DENND2C: variants seen among roughly 807,000 people sequenced by gnomAD.
The protein encoded by DENND2C is DENN domain containing 2C.
In DENND2C, 72 loss-of-function variants were observed where a neutral mutation model predicts 112.4. The ratio of observed to expected loss-of-function variants is 0.64; its 90% CI spans 0.53 to 0.78. The LOEUF (loss-of-function observed/expected upper bound fraction) is 0.78. DENND2C is among the 30% of genes least tolerant of loss of function. DENND2C has a pLI of 0.00. For missense variants in DENND2C, 992 were observed against 1,113.8 expected (o/e 0.89, Z 1.56); for synonymous variants, 329 against 381.6 (o/e 0.86, Z 1.61).
intron 13 of DENND2C, 32 bp downstream of exon 13, chr1:114,601,476 A>G (rs754475372): frequency 8.2e-6 from 13 of 1,590,294 alleles, no homozygotes; most frequent in Non-Finnish European, 1.0e-5. Flanking sequence ...CAAAAAGGAC[A>G]CCATTTTTCA....
At chr1:114,653,319 G>A (rs1657220052) in intron 2 of DENND2C, among the ~76,000 whole-genome samples, 1 of 151,920 alleles carries the variant, frequency 6.6e-6, no homozygotes, top group South Asian at 2.1e-4. Flanking sequence ...ATGTTACCCA[G>A]GCTGGTCTTG....
At chr1:114,593,801 A>C (rs1260589302) in intron 18 of DENND2C, among the ~76,000 whole-genome samples, 3 of 152,062 alleles carry the variant, frequency 2.0e-5, no homozygotes, top group African/African-American at 4.8e-5. Flanking sequence ...AAAACAAACA[A>C]ACAAAAAACG....
chr1:114,626,612 A>G (rs1435188603), intron 3 of DENND2C, among the ~76,000 whole-genome samples: 1 of 150,720 alleles, frequency 6.6e-6, no homozygotes, highest in African/African-American at 2.5e-5. Context: ...CCTGGGTTCA[A>G]GTGATCTTCC....
intron 2 of DENND2C, among the ~76,000 whole-genome samples, chr1:114,648,778 C>G (rs1657068236): frequency 6.6e-6 from 1 of 152,108 alleles, no homozygotes; most frequent in Admixed American, 6.5e-5. Flanking sequence ...ATTTTAAAGA[C>G]CACTCAGGCA....
chr1:114,643,679 A>C (rs953392662), intron 3 of DENND2C, among the ~76,000 whole-genome samples: 1 of 152,214 alleles, frequency 6.6e-6, no homozygotes, highest in Non-Finnish European at 1.5e-5. Context: ...TATAACACAT[A>C]ATATAAATTT....
chr1:114,600,910 G>A lies in DENND2C; in HGVS notation c.1866C>T (p.Tyr622=), dbSNP rs769170391. Residue 622 remains tyrosine, a synonymous_variant, in exon 14 of 21, where the codon TAC becomes TAT. Coordinates refer to ENST00000393274, the MANE Select transcript of DENND2C (RefSeq NM_001256404.2). ...KRREMSPALV[Y]PFMRSVMEAP... Reference sequence around the variant, plus strand: ...CTTCCATGACACTTCGCATGAATGGGTAAACAAGGGCTGGAGACATTTCTC... The same window carrying A: ...CTTCCATGACACTTCGCATGAATGGATAAACAAGGGCTGGAGACATTTCTC... 1.2e-6 allele frequency: 2 copies of A among 1,613,976 alleles called. No individual in the cohort carries two copies. Among genetic ancestry groups the A allele is most frequent in the Admixed American group, 3.3e-5 (2 of 60,004 alleles).
chr1:114,599,498 G>A lies in DENND2C; in HGVS notation c.2106-47C>T, dbSNP rs774350711. ...TGGTGTCATATATAGAGTAACATAA[G>A]GAGGACATTTCAGTTATTATGTTAA... is the stretch of plus-strand genomic sequence containing the variant. On this transcript the variant is annotated intron_variant, in intron 15 of 20. Transcript: ENST00000393274. 1.0e-5 allele frequency: 15 copies of A among 1,442,636 alleles called. No individual in the cohort carries two copies. The East Asian group carries it at 2.9e-4, about 28-fold the overall frequency. 89.4% of individuals were successfully genotyped at this position (1,442,636 alleles called of 1,614,324 possible).
chr1:114,639,675 T>C (rs747013178), intron 3 of DENND2C, among the ~76,000 whole-genome samples: 1 of 152,058 alleles, frequency 6.6e-6, no homozygotes, highest in Non-Finnish European at 1.5e-5. Flanking sequence ...ATTCCAACTG[T>C]ATTTTGAAAT....
intron 16 of DENND2C, among the ~76,000 whole-genome samples, chr1:114,597,669 GC>G (rs1198142285): frequency 1.3e-5 from 2 of 152,020 alleles, no homozygotes; most frequent in South Asian, 2.1e-4. Flanking sequence ...TGTAGTCCCA[GC>G]TACTTGGGAG....
At position 114,619,786 on chromosome 1, in the gene DENND2C, T is replaced by C. The variant is rs536279401; in HGVS notation, c.1228-1304A>G. Among the ~76,000 whole-genome samples the C allele has an allele frequency of 8.5e-5, 13 of 152,336 alleles. No individual in the cohort carries two copies. The South Asian group carries it at 2.7e-3, about 32-fold the overall frequency. ...AATAGCATAATTATTAATTTGCATT[T>C]GAAAAGTAGAATCAAAAGTATATTC... On this transcript the variant is annotated intron_variant, in intron 7 of 20. Transcript: ENST00000393274.
chr1:114,593,827 T>A (rs2101642687), intron 18 of DENND2C, among the ~76,000 whole-genome samples: 1 of 152,272 alleles, frequency 6.6e-6, no homozygotes, highest in South Asian at 2.1e-4. Flanking sequence ...CCTTCCCTAA[T>A]GTTCCCTGTC....
chr1:114,604,318 G>A (rs1306967793), intron 11 of DENND2C, among the ~76,000 whole-genome samples: 1 of 152,192 alleles, frequency 6.6e-6, no homozygotes, highest in Non-Finnish European at 1.5e-5. Context: ...TTATAGTTTT[G>A]AACAAAGCAG....
chr1:114,668,555 C>CACACACA (rs1222994549), intron 1 of DENND2C, among the ~76,000 whole-genome samples: 7 of 102,610 alleles, frequency 6.8e-5, no homozygotes, highest in African/African-American at 2.4e-4. Flanking sequence ...ACACACACAC[C>CACACACA]CCAACTAATG....
chr1:114,622,937 T>C (rs893652967), intron 6 of DENND2C, 50 bp downstream of exon 6: 3 of 1,412,188 alleles, frequency 2.1e-6, no homozygotes, highest in African/African-American at 2.9e-5. Flanking sequence ...TTTTTGTAGA[T>C]ACCATGAATA....
chr1:114,598,792 C>T (rs1051450423), intron 16 of DENND2C, among the ~76,000 whole-genome samples: 4 of 152,204 alleles, frequency 2.6e-5, no homozygotes, highest in Admixed American at 1.3e-4. Context: ...AGCAATTCTC[C>T]TGCCTCAGCC....
chr1:114,603,671 C>T lies in DENND2C; in HGVS notation c.1667+1251G>A, dbSNP rs118098704. Among the ~76,000 whole-genome samples, 913 of 151,894 alleles carry T rather than the reference C, an allele frequency of 6.0e-3. 18 individuals are homozygous for T. The East Asian group carries it at 0.067, about 11-fold the overall frequency. On this transcript the variant is annotated intron_variant, in intron 11 of 20. Coordinates refer to ENST00000393274, the MANE Select transcript of DENND2C (RefSeq NM_001256404.2). ...AAGTGATCCTCCTGCCTCAGCCTCC[C>T]GAGTAGCTACTGCACACCACCGTGT...
intron 16 of DENND2C, among the ~76,000 whole-genome samples, chr1:114,596,771 T>G (rs1655354217): frequency 6.6e-6 from 1 of 152,190 alleles, no homozygotes; most frequent in Admixed American, 6.5e-5. Flanking sequence ...AATTTTTTAT[T>G]TTTTAAAAGA....
chr1:114,604,875 T>C (rs750931987), intron 11 of DENND2C, 47 bp downstream of exon 11: 8 of 1,357,028 alleles, frequency 5.9e-6, no homozygotes, highest in Non-Finnish European at 8.4e-6. Context: ...CTCTGATTTA[T>C]TTTTGCAGGT....
At chr1:114,664,297 T>C (rs1042702101) in intron 1 of DENND2C, among the ~76,000 whole-genome samples, 2 of 152,030 alleles carry the variant, frequency 1.3e-5, no homozygotes, top group African/African-American at 4.8e-5. Context: ...GGGATAGGAA[T>C]ATGCTTTCGA....
Sources: allele counts gnomAD v4.1 joint callset (sites outside exome capture counted in the v4.1 genomes callset), GRCh38; gene constraint gnomAD v4.1.1; transcripts MANE v1.5; gene names NCBI Gene and HGNC (gene_info 2026-07-23, HGNC 2026-07-21).